SSBP4: variants seen among roughly 807,000 people sequenced by gnomAD.
SSBP4 encodes the protein single-stranded DNA-binding protein 4.
In SSBP4, 33 loss-of-function variants were observed where a neutral mutation model predicts 64.6. That is an observed-to-expected ratio of 0.51 (90% CI 0.39 to 0.68). The LOEUF is 0.68. Among genes scored for constraint, SSBP4 ranks in the 30% least tolerant of loss-of-function variants. The pLI is 0.00. For synonymous variants in SSBP4, 243 were observed against 224.0 expected (o/e 1.08, Z -0.76); for missense variants, 583 against 566.8 (o/e 1.03, Z -0.29).
At chr19:18,404,457 G>C in the SSBP4 span, among the ~76,000 whole-genome samples, 3 of 151,904 alleles carry the variant, frequency 2.0e-5, no homozygotes, top group Non-Finnish European at 4.4e-5. Flanking sequence ...AGCCAGGAAT[G>C]ATAGTGCACG....
At chr19:18,405,192 T>C in the SSBP4 span, among the ~76,000 whole-genome samples, 1 of 152,102 alleles carries the variant, frequency 6.6e-6, no homozygotes, top group Non-Finnish European at 1.5e-5. Context: ...GGGGCAACCA[T>C]GGATGCCTGG....
chr19:18,419,615 G>A lies in SSBP4; in HGVS notation c.-34G>A, dbSNP rs1972286195. ...GCGCGGCCCGCGGCGCCGCCTGACA[G>A]GTGTGGGCCCCGGCGGCGGCGGCGT... On this transcript the variant is annotated 5_prime_UTR_variant, in exon 1 of 18. Transcript: ENST00000270061. 2.4e-6 allele frequency: 3 copies of A among 1,262,200 alleles called. No homozygotes were observed. The South Asian group carries it at 6.2e-5, about 26-fold the overall frequency. 78.2% of individuals were successfully genotyped at this position (1,262,200 alleles called of 1,614,324 possible).
rs748912627 is a variant in SSBP4 at position 18,431,965 on chromosome 19, C to G, written c.566-35C>G. ...CCACTGTCCACACTGGGGAATGGTCCAGGTCCAAGTCCCCTTCCTTCTGCC... is the reference window on the plus strand; with the variant it reads ...CCACTGTCCACACTGGGGAATGGTCGAGGTCCAAGTCCCCTTCCTTCTGCC... On this transcript the variant is annotated intron_variant, in intron 8 of 17. Transcript: ENST00000270061. 24 of 1,553,466 alleles carry G rather than the reference C, an allele frequency of 1.5e-5. No individual in the cohort carries two copies. In the East Asian group the frequency reaches 5.4e-4, roughly 35 times the overall value.
At chr19:18,421,367 G>T (rs1334910237) in intron 1 of SSBP4, among the ~76,000 whole-genome samples, 1 of 152,230 alleles carries the variant, frequency 6.6e-6, no homozygotes, top group Non-Finnish European at 1.5e-5. Flanking sequence ...GGAGGTGTCT[G>T]CCATGGTCAC....
rs1784663719 is a variant in SSBP4 at position 18,427,692 on chromosome 19, G to A, written c.133-60G>A. ...TGCCCAGATGTTCTCTGGGCACCCT[G>A]CTGGGTGGTGGGGCAGGGTCAGGTA... On this transcript the variant is annotated intron_variant, in intron 2 of 17. Coordinates refer to ENST00000270061, the MANE Select transcript of SSBP4 (RefSeq NM_032627.5). This position sits in a 1 kb window ranked among gnomAD's most constrained non-coding sequence, Gnocchi z 4.4. 5.9e-6 allele frequency: 9 copies of A among 1,530,642 alleles called. No individual in the cohort carries two copies. The highest frequency in any genetic ancestry group is 7.1e-6 in the Non-Finnish European group (8 of 1,132,152). The allele number at this position is 1,530,642 out of a possible 1,614,324, so 94.8% of individuals were successfully genotyped here. A position where few individuals can be genotyped will look rare whatever the true frequency, so the allele number is the denominator to read the frequency against.
upstream of SSBP4, among the ~76,000 whole-genome samples, chr19:18,418,210 G>T (rs1166558213): frequency 6.6e-6 from 1 of 152,198 alleles, no homozygotes; most frequent in Non-Finnish European, 1.5e-5. This position sits in a 1 kb window ranked among gnomAD's most constrained non-coding sequence, Gnocchi z 6.7. Context: ...ATGCACACGT[G>T]CACTCACACG....
At chr19:18,424,238 C>A (rs1254540850) in intron 1 of SSBP4, among the ~76,000 whole-genome samples, 1 of 152,234 alleles carries the variant, frequency 6.6e-6, no homozygotes, top group African/African-American at 2.4e-5. Flanking sequence ...GTACTTACCC[C>A]ATGGTTCGCC....
chr19:18,418,979 G>C (rs780902805), upstream of SSBP4: 7 of 985,672 alleles, frequency 7.1e-6, no homozygotes, highest in Non-Finnish European at 8.4e-6. This position sits in a 1 kb window ranked among gnomAD's most constrained non-coding sequence, Gnocchi z 6.7. Context: ...GCTGAGTGTG[G>C]GTAGCTCTGC....
chr19:18,419,571 G>A lies in SSBP4; in HGVS notation c.-78G>A, dbSNP rs1229073752. On this transcript the variant is annotated 5_prime_UTR_variant, in exon 1 of 18. Coordinates refer to ENST00000270061, the MANE Select transcript of SSBP4 (RefSeq NM_032627.5). ...GGGGCGGTGAGGCCCGGGGCGCGGGGTAGCTATGGCGACGGCAAGCGCGGC... is the reference window on the plus strand; with the variant it reads ...GGGGCGGTGAGGCCCGGGGCGCGGGATAGCTATGGCGACGGCAAGCGCGGC... 2 of 1,206,868 alleles carry A rather than the reference G, an allele frequency of 1.7e-6. No homozygotes were observed. Among genetic ancestry groups the A allele is most frequent in the Middle Eastern group, 3.3e-4 (1 of 3,018 alleles). The allele number at this position is 1,206,868 out of a possible 1,614,324, so 74.8% of individuals were successfully genotyped here.
At chr19:18,408,496 A>ATTT in the SSBP4 span, among the ~76,000 whole-genome samples, 6,845 of 144,500 alleles carry the variant, frequency 0.047, 234 homozygotes, top group Middle Eastern at 0.086. Flanking sequence ...CAAGCCACCA[A>ATTT]TTTTTTTTTT....
At chr19:18,407,005 C>T in the SSBP4 span, among the ~76,000 whole-genome samples, 2 of 152,058 alleles carry the variant, frequency 1.3e-5, no homozygotes, top group South Asian at 4.2e-4. Context: ...CCTTGGCTGC[C>T]TCCTCTGTAT....
rs183580492 is a variant in SSBP4, at chr19:18,427,020, G to A, written c.60-331G>A. 4.3e-4 allele frequency among the ~76,000 whole-genome samples: 65 copies of A among 152,162 alleles called. No individual in the cohort carries two copies. The highest frequency in any genetic ancestry group is 1.5e-3 in the African/African-American group (62 of 41,502). ...ACATGGCCCAGGGTGCCCAGTGGTC[G>A]TCCCCACCCTGCACACACACAGGAA... is the stretch of plus-strand genomic sequence containing the variant. On this transcript the variant is annotated intron_variant, in intron 1 of 17. Transcript: ENST00000270061. The surrounding 1 kb of genome is among the most constrained non-coding windows in gnomAD (Gnocchi z 4.4).
chr19:18,429,046 A>G (rs1288371392), intron 4 of SSBP4, among the ~76,000 whole-genome samples: 5 of 152,050 alleles, frequency 3.3e-5, no homozygotes, highest in Admixed American at 3.3e-4. Flanking sequence ...AGCGGTTACC[A>G]TGGCAGCGCC....
intron 1 of SSBP4, among the ~76,000 whole-genome samples, chr19:18,425,569 C>T (rs1428886353): frequency 6.6e-6 from 1 of 152,094 alleles, no homozygotes; most frequent in African/African-American, 2.4e-5. Flanking sequence ...GCCAGGGTGC[C>T]ACAGAAGTGA....
upstream of SSBP4, among the ~76,000 whole-genome samples, chr19:18,418,604 G>A (rs1447940142): frequency 6.6e-6 from 1 of 152,248 alleles, no homozygotes; most frequent in Non-Finnish European, 1.5e-5. The surrounding 1 kb of genome is among the most constrained non-coding windows in gnomAD (Gnocchi z 6.7). Flanking sequence ...GTGGTGCCAG[G>A]TGGCTCCCAC....
chr19:18,404,046 C>T, the SSBP4 span, among the ~76,000 whole-genome samples: 1 of 151,926 alleles, frequency 6.6e-6, no homozygotes, highest in Non-Finnish European at 1.5e-5. Flanking sequence ...CACCAGCCCG[C>T]CCCCCAGCTA....
At chr19:18,419,812 G>C in intron 1 of SSBP4, 105 bp downstream of exon 1, 3 of 814,440 alleles carry the variant, frequency 3.7e-6, no homozygotes, top group Non-Finnish European at 4.5e-6. Context: ...CGGGGAGCGC[G>C]AGCCTGAGCG....
chr19:18,409,976 C>T, the SSBP4 span, among the ~76,000 whole-genome samples: 2 of 152,152 alleles, frequency 1.3e-5, no homozygotes. Context: ...GAAATACAGG[C>T]GCATGACACC....
chr19:18,434,450 TC>T lies in SSBP4; in HGVS notation c.*206del, dbSNP rs1973849778. ...AGACGTTCTTTTCTGTATGGACCCT[TC>T]CTGCCATTTGTATTTTGTCCCAGAG... On this transcript the variant is annotated 3_prime_UTR_variant, in exon 18 of 18. Transcript: ENST00000270061. The T allele has an allele frequency of 1.0e-6, 1 of 997,090 alleles. No individual in the cohort carries two copies. The highest frequency in any genetic ancestry group is 3.0e-5 in the East Asian group (1 of 33,410). The allele number at this position is 997,090 out of a possible 1,614,324, so 61.8% of individuals were successfully genotyped here.
Sources: gnomAD v4.1 joint callset for allele counts (sites outside exome capture counted in the v4.1 genomes callset) on GRCh38, gnomAD v4.1.1 for gene constraint, Gnocchi (gnomAD v3.1) non-coding constraint, MANE v1.5 for transcripts, NCBI Gene and HGNC (gene_info 2026-07-23, HGNC 2026-07-21) for gene names.